Variants in IGSF21 observed in about 807,000 individuals in gnomAD.
The protein encoded by IGSF21 is immunoglobulin superfamily member 21.
In IGSF21, 28 loss-of-function variants were observed where a neutral mutation model predicts 46.8. The ratio of observed to expected loss-of-function variants is 0.60; its 90% CI spans 0.44 to 0.82. The LOEUF is 0.82. Among genes scored for constraint, IGSF21 ranks in the 40% least tolerant of loss-of-function variants. The pLI is 0.00. For synonymous variants in IGSF21, 284 were observed against 273.6 expected (o/e 1.04, Z -0.38); for missense variants, 624 against 665.5 (o/e 0.94, Z 0.69).
intron 1 of IGSF21, among the ~76,000 whole-genome samples, chr1:18,188,641 T>C (rs1361845808): frequency 6.6e-6 from 1 of 152,112 alleles, no homozygotes; most frequent in Admixed American, 6.5e-5. Context: ...AACCTGGTGC[T>C]GGTGACAGCT....
At chr1:18,329,816 C>T (rs1195219420) in intron 3 of IGSF21, among the ~76,000 whole-genome samples, 1 of 152,222 alleles carries the variant, frequency 6.6e-6, no homozygotes, top group Non-Finnish European at 1.5e-5. Flanking sequence ...GTGGATGGCC[C>T]ACAGCCCTGG....
chr1:18,195,557 T>G (rs2086998601), intron 1 of IGSF21, among the ~76,000 whole-genome samples: 1 of 151,692 alleles, frequency 6.6e-6, no homozygotes, highest in African/African-American at 2.4e-5. Context: ...TGTGAATGTG[T>G]TCCCTTGCTC....
chr1:18,302,307 C>T (rs896421002), intron 3 of IGSF21, among the ~76,000 whole-genome samples: 1 of 152,090 alleles, frequency 6.6e-6, no homozygotes, highest in Non-Finnish European at 1.5e-5. Context: ...TGCTGGCTCC[C>T]ACCTGTCCAC....
At chr1:18,250,509 T>C (rs1043985769) in intron 2 of IGSF21, among the ~76,000 whole-genome samples, 2 of 152,282 alleles carry the variant, frequency 1.3e-5, no homozygotes, top group East Asian at 3.9e-4. Context: ...CCGTCACCCA[T>C]CGCTGTCTCT....
At position 18,324,440 on chromosome 1, in the gene IGSF21, A is replaced by G. The variant is rs149140552; in HGVS notation, c.306-10452A>G. ...ATGGCCGGATCGCCAAGCCTCCCCA[A>G]CCGCCTGCAGGGGGCGGTCATGAGC... On this transcript the variant is annotated intron_variant, in intron 3 of 9. Transcript: ENST00000251296. Among the ~76,000 whole-genome samples, 63 of 151,978 alleles carry G rather than the reference A, an allele frequency of 4.1e-4. No individual in the cohort carries two copies. In the East Asian group the frequency reaches 8.3e-3, roughly 20 times the overall value.
chr1:18,237,747 T>A (rs1308711506), intron 2 of IGSF21, among the ~76,000 whole-genome samples: 1 of 152,206 alleles, frequency 6.6e-6, no homozygotes, highest in Non-Finnish European at 1.5e-5. Flanking sequence ...ATTTTTCCGC[T>A]TCTCCTATGT....
chr1:18,230,478 T>A (rs548497999), intron 2 of IGSF21, among the ~76,000 whole-genome samples: 1 of 152,258 alleles, frequency 6.6e-6, no homozygotes, highest in South Asian at 2.1e-4. Flanking sequence ...TGCAGATGTA[T>A]GCAAATCACA....
intron 3 of IGSF21, among the ~76,000 whole-genome samples, chr1:18,298,187 T>C (rs547983766): frequency 6.6e-6 from 1 of 152,256 alleles, no homozygotes; most frequent in Admixed American, 6.5e-5. Context: ...CTCTGTGCCC[T>C]AGAAGCTGCT....
intron 1 of IGSF21, among the ~76,000 whole-genome samples, chr1:18,126,244 C>T (rs1326061820): frequency 6.6e-6 from 1 of 152,088 alleles, no homozygotes; most frequent in Non-Finnish European, 1.5e-5. Flanking sequence ...ACAGATGGGG[C>T]TTCAGTTCCA....
chr1:18,205,602 T>C (rs985819053), intron 1 of IGSF21, among the ~76,000 whole-genome samples: 1 of 152,132 alleles, frequency 6.6e-6, no homozygotes, highest in East Asian at 1.9e-4. Flanking sequence ...TCAAATAAAA[T>C]GCCATGTCTT....
At chr1:18,245,423 A>G (rs1208350074) in intron 2 of IGSF21, among the ~76,000 whole-genome samples, 1 of 152,184 alleles carries the variant, frequency 6.6e-6, no homozygotes, top group Non-Finnish European at 1.5e-5. Context: ...AAATTAAAAG[A>G]GCTCTCAAGT....
At chr1:18,178,594 A>G (rs935877706) in intron 1 of IGSF21, among the ~76,000 whole-genome samples, 2 of 152,200 alleles carry the variant, frequency 1.3e-5, no homozygotes, top group African/African-American at 4.8e-5. Flanking sequence ...GTTAGCTATT[A>G]TTCTATTGTT....
At chr1:18,123,743 T>TGGAAAGGGCCTG (rs1054512559) in intron 1 of IGSF21, among the ~76,000 whole-genome samples, 3 of 152,022 alleles carry the variant, frequency 2.0e-5, no homozygotes, top group African/African-American at 7.2e-5. Flanking sequence ...GCCTATAGGC[T>TGGAAAGGGCCTG]GGAAAGGGCC....
chr1:18,341,779 A>C (rs906764187), intron 4 of IGSF21, among the ~76,000 whole-genome samples: 1 of 152,190 alleles, frequency 6.6e-6, no homozygotes, highest in Non-Finnish European at 1.5e-5. Context: ...AGACTCATAA[A>C]GTATTGGTAC....
intron 3 of IGSF21, among the ~76,000 whole-genome samples, chr1:18,298,272 G>A (rs936940977): frequency 2.0e-5 from 3 of 152,224 alleles, no homozygotes; most frequent in African/African-American, 7.2e-5. Flanking sequence ...TGGGTTGGAA[G>A]TGCCAGGGAA....
At chr1:18,181,908 A>C (rs375168676) in intron 1 of IGSF21, among the ~76,000 whole-genome samples, 24 of 152,236 alleles carry the variant, frequency 1.6e-4, no homozygotes, top group African/African-American at 5.3e-4. Context: ...TTTGTGTCTG[A>C]TGAGCTCTGC....
At chr1:18,367,044 A>G (rs1437416580) in intron 6 of IGSF21, among the ~76,000 whole-genome samples, 4 of 152,130 alleles carry the variant, frequency 2.6e-5, no homozygotes, top group African/African-American at 4.8e-5. Flanking sequence ...TGCAGCCCCC[A>G]GCAGCTCCTC....
intron 3 of IGSF21, among the ~76,000 whole-genome samples, chr1:18,315,693 C>T (rs981883584): frequency 6.6e-6 from 1 of 150,488 alleles, no homozygotes; most frequent in Non-Finnish European, 1.5e-5. Context: ...GATGGGTAGA[C>T]AGTGAATGGA....
chr1:18,356,369 G>T (rs573989302), intron 4 of IGSF21, among the ~76,000 whole-genome samples: 1 of 152,304 alleles, frequency 6.6e-6, no homozygotes, highest in African/African-American at 2.4e-5. Flanking sequence ...GGCACTGATG[G>T]TGGGAGCACT....
Sources: gnomAD v4.1 joint callset for allele counts (sites outside exome capture counted in the v4.1 genomes callset) on GRCh38, gnomAD v4.1.1 for gene constraint, MANE v1.5 for transcripts, NCBI Gene and HGNC (gene_info 2026-07-23, HGNC 2026-07-21) for gene names.